MED13: variants seen among roughly 807,000 people sequenced by gnomAD.
MED13 encodes the protein mediator of RNA polymerase II transcription subunit 13.
Under a neutral mutation model 225.2 loss-of-function variants are expected in MED13, and 23 were observed. The observed-to-expected ratio is 0.10, with a 90% confidence interval of 0.07 to 0.14. The LOEUF is 0.14. Among genes scored for constraint, MED13 ranks in the 10% least tolerant of loss-of-function variants. The pLI is 1.00. For missense variants in MED13, 2,197 were observed against 2,594.5 expected (o/e 0.85, Z 3.33); for synonymous variants, 942 against 889.2 (o/e 1.06, Z -1.06).
chr17:62,016,117 G>T (rs1294803739), intron 8 of MED13, among the ~76,000 whole-genome samples: 4 of 140,906 alleles, frequency 2.8e-5, no homozygotes, highest in Non-Finnish European at 4.6e-5. Context: ...CTTTGTAAAA[G>T]AGCATTTTTT....
intron 2 of MED13, among the ~76,000 whole-genome samples, chr17:62,061,469 A>C (rs1167836214): frequency 1.3e-5 from 2 of 152,264 alleles, no homozygotes; most frequent in South Asian, 2.1e-4. Context: ...TAGTCTGTTT[A>C]GATGCTCTGC....
chr17:62,062,568 CA>C (rs1402534241), intron 2 of MED13, among the ~76,000 whole-genome samples: 1 of 144,746 alleles, frequency 6.9e-6, no homozygotes, highest in Non-Finnish European at 1.5e-5. Flanking sequence ...TAACAAAATA[CA>C]TGCCTTAAAA....
chr17:61,979,661 A>T (rs940166317), intron 16 of MED13, among the ~76,000 whole-genome samples: 1 of 152,134 alleles, frequency 6.6e-6, no homozygotes, highest in African/African-American at 2.4e-5. Flanking sequence ...ATAAAATAAT[A>T]ATAAACCTCT....
chr17:62,023,921 C>A (rs1175894010), intron 8 of MED13, among the ~76,000 whole-genome samples: 1 of 152,138 alleles, frequency 6.6e-6, no homozygotes, highest in East Asian at 1.9e-4. Flanking sequence ...ACTAAAGGAG[C>A]AAACTAACCA....
At chr17:61,994,465 T>C (rs945131979) in intron 10 of MED13, among the ~76,000 whole-genome samples, 5 of 152,216 alleles carry the variant, frequency 3.3e-5, no homozygotes, top group African/African-American at 9.6e-5. Flanking sequence ...TATTCAAAAA[T>C]AGCACATATT....
Position 62,003,886 on chromosome 17 carries a change from A to T in MED13, c.1967+6664T>A, listed in dbSNP as rs892166883. ...TTCTCATTCTTATTCAGTGAGAAAA[A>T]TGTCAAATAATTTTAGAACAGATTT... is the stretch of plus-strand genomic sequence containing the variant. On this transcript the variant is annotated intron_variant, in intron 9 of 29. Coordinates refer to ENST00000397786, the MANE Select transcript of MED13 (RefSeq NM_005121.3). The T allele has an allele frequency of 3.3e-5, 5 of 152,298 alleles. No homozygotes were observed. The East Asian group carries it at 9.6e-4, about 29-fold the overall frequency. 9.4% of individuals were successfully genotyped at this position (152,298 alleles called of 1,614,324 possible).
rs767032711 is a variant in MED13 at position 61,965,515 on chromosome 17, C to G, written c.4382-47G>C. On this transcript the variant is annotated intron_variant, in intron 19 of 29. Coordinates refer to ENST00000397786, the MANE Select transcript of MED13 (RefSeq NM_005121.3). ...GAAATTTAATTCTTTATTTCACTGA[C>G]TGGTTTTTTTAAATTCTACTGTGTA... is the stretch of plus-strand genomic sequence containing the variant. The G allele has an allele frequency of 5.3e-6, 8 of 1,514,682 alleles. No individual in the cohort carries two copies. In the East Asian group the frequency reaches 1.6e-4, roughly 30 times the overall value. The allele number at this position is 1,514,682 out of a possible 1,614,324, so 93.8% of individuals were successfully genotyped here.
intron 18 of MED13, 50 bp from the exon 19 acceptor site, chr17:61,966,701 T>C: frequency 7.8e-7 from 1 of 1,277,688 alleles, no homozygotes; most frequent in Non-Finnish European, 1.1e-6. Context: ...TTATTGTATT[T>C]AGATACACAT....
At chr17:61,986,918 A>T in intron 12 of MED13, 89 bp downstream of exon 12, 1 of 851,960 alleles carries the variant, frequency 1.2e-6, no homozygotes, top group South Asian at 2.8e-5. Flanking sequence ...AAAACATAGT[A>T]TTAAACTCAC....
At chr17:61,950,315 A>G (rs1385201951) in intron 28 of MED13, among the ~76,000 whole-genome samples, 1 of 152,204 alleles carries the variant, frequency 6.6e-6, no homozygotes, top group African/African-American at 2.4e-5. Context: ...CTCAATCTAC[A>G]CTAACAACAA....
intron 2 of MED13, among the ~76,000 whole-genome samples, chr17:62,059,039 G>A (rs992216948): frequency 4.6e-5 from 7 of 152,038 alleles, no homozygotes; most frequent in African/African-American, 9.7e-5. Flanking sequence ...CAGAACTGTC[G>A]AAATCATCAA....
At chr17:62,012,043 C>T (rs898644011) in intron 8 of MED13, among the ~76,000 whole-genome samples, 7 of 151,768 alleles carry the variant, frequency 4.6e-5, no homozygotes, top group African/African-American at 1.5e-4. Context: ...ATGGTAAAAC[C>T]CCGTCCTTAC....
At chr17:62,021,447 GC>G (rs2080645919) in intron 8 of MED13, among the ~76,000 whole-genome samples, 1 of 151,252 alleles carries the variant, frequency 6.6e-6, no homozygotes, top group South Asian at 2.1e-4. Flanking sequence ...CCCGGACGGG[GC>G]GGCTGGCCGG....
intron 9 of MED13, chr17:62,006,287 G>T (rs1314809710): frequency 2.9e-5 from 4 of 136,474 alleles, no homozygotes; most frequent in East Asian, 2.2e-4. Context: ...AAAAAAAAGG[G>T]GGGGGGGAGG....
intron 23 of MED13, among the ~76,000 whole-genome samples, chr17:61,958,267 A>G (rs545762691): frequency 6.6e-6 from 1 of 151,976 alleles, no homozygotes; most frequent in South Asian, 2.1e-4. Context: ...TCCTGGGTTC[A>G]AGCTATTCTC....
intron 21 of MED13, among the ~76,000 whole-genome samples, chr17:61,962,547 T>A (rs936668687): frequency 1.3e-5 from 2 of 152,190 alleles, no homozygotes; most frequent in African/African-American, 4.8e-5. Context: ...GGAATTTTTT[T>A]ATTCTGTATT....
chr17:62,022,180 T>C lies in MED13; in HGVS notation c.1283+7361A>G, dbSNP rs201360665. ...AAGACTGTCTCAAAAAAAAAATATA[T>C]ATATATATATATATATTCTTAAAAA... On this transcript the variant is annotated intron_variant, in intron 8 of 29. Coordinates refer to ENST00000397786, the MANE Select transcript of MED13 (RefSeq NM_005121.3). Among the ~76,000 whole-genome samples the C allele has an allele frequency of 9.9e-5, 14 of 141,906 alleles. No individual in the cohort carries two copies. The South Asian group carries it at 3.1e-3, about 31-fold the overall frequency. 93.1% of individuals were successfully genotyped at this position (141,906 alleles called of 152,430 possible). A position where few individuals can be genotyped will look rare whatever the true frequency, so the allele number is the denominator to read the frequency against.
At chr17:62,010,499 C>G in intron 9 of MED13, 51 bp downstream of exon 9, 5 of 1,210,994 alleles carry the variant, frequency 4.1e-6, no homozygotes, top group Non-Finnish European at 5.4e-6. Flanking sequence ...TAAGAACTTG[C>G]ATCACTTCCA....
chr17:61,962,060 G>A lies in MED13; in HGVS notation c.5065-281C>T, dbSNP rs375423548. ...CCCAGCACTTTGGGAGGCCGAGGTG[G>A]GCAGATCACCAGGTCAAGAGATAGA... is the stretch of plus-strand genomic sequence containing the variant. On this transcript the variant is annotated intron_variant, in intron 21 of 29. Transcript: ENST00000397786. 5.3e-5 allele frequency among the ~76,000 whole-genome samples: 8 copies of A among 152,220 alleles called. No homozygotes were observed. In the East Asian group the frequency reaches 1.5e-3, roughly 29 times the overall value.
Sources: allele counts gnomAD v4.1 joint callset (sites outside exome capture counted in the v4.1 genomes callset), GRCh38; gene constraint gnomAD v4.1.1; transcripts MANE v1.5; gene names NCBI Gene and HGNC (gene_info 2026-07-23, HGNC 2026-07-21).